Variants in GLIPR1L2 observed in about 807,000 individuals in gnomAD.
The protein encoded by GLIPR1L2 is GLIPR1-like protein 2.
GLIPR1L2 carries 21 observed loss-of-function variants against 28.4 expected under a neutral mutation model. That is an observed-to-expected ratio of 0.74 (90% CI 0.52 to 1.06). GLIPR1L2 has a LOEUF of 1.06. GLIPR1L2 is among the 50% of genes least tolerant of loss of function. The pLI is 0.00. For missense variants in GLIPR1L2, 476 were observed against 416.9 expected, an observed-to-expected ratio of 1.14 and a Z score of -1.23; for synonymous variants, 145 against 139.3, an observed-to-expected ratio of 1.04 and a Z score of -0.29.
At chr12:75,429,546 AC>A (rs2139970083) in intron 4 of GLIPR1L2, among the ~76,000 whole-genome samples, 1 of 152,120 alleles carries the variant, frequency 6.6e-6, no homozygotes, top group South Asian at 2.1e-4. Flanking sequence ...GACTTTGGGG[AC>A]CCTTGGAAAG....
chr12:75,430,247 G>T (rs1055856681), intron 4 of GLIPR1L2, among the ~76,000 whole-genome samples: 2 of 152,082 alleles, frequency 1.3e-5, no homozygotes, highest in African/African-American at 2.4e-5. Flanking sequence ...TGAATGCCAG[G>T]CTATAGAGCT....
rs1027120077 is a variant in GLIPR1L2, at chr12:75,431,063, A to G, written c.937A>G (p.Met313Val). Residue 313 changes from methionine (M) to valine (V), a missense_variant, in exon 6 of 6, where the codon ATG becomes GTG. Physicochemically the swap from Met to Val is conservative, Grantham distance 21. Coordinates refer to ENST00000550916, the MANE Select transcript of GLIPR1L2 (RefSeq NM_001270396.2). ...GGAAGAGAAGAAAGAGAAAGAGGAA[A>G]TGGAAATGGAAATAATGGAAATGGA... is the stretch of plus-strand genomic sequence containing the variant. ...KEEEKKEKEE[M>V]EMEIMEMEEE... is the part of the protein sequence containing the mutation. The G allele has an allele frequency of 1.4e-5, 20 of 1,394,484 alleles. No individual in the cohort carries two copies. Among genetic ancestry groups the G allele is most frequent in the East Asian group, 1.2e-4 (5 of 40,330 alleles). 86.4% of individuals were successfully genotyped at this position (1,394,484 alleles called of 1,614,324 possible).
intron 1 of GLIPR1L2, among the ~76,000 whole-genome samples, chr12:75,396,959 C>G (rs2139918315): frequency 6.6e-6 from 1 of 152,248 alleles, no homozygotes; most frequent in South Asian, 2.1e-4. Flanking sequence ...TTGTTCAGGA[C>G]TTTTCTTTTT....
At chr12:75,418,730 T>G (rs1232338425) in intron 3 of GLIPR1L2, among the ~76,000 whole-genome samples, 1 of 152,162 alleles carries the variant, frequency 6.6e-6, no homozygotes, top group East Asian at 1.9e-4. Flanking sequence ...CAGTAGTAGC[T>G]TGATGGGGAT....
intron 1 of GLIPR1L2, among the ~76,000 whole-genome samples, chr12:75,391,997 T>C (rs1453030112): frequency 1.3e-5 from 2 of 152,100 alleles, no homozygotes; most frequent in African/African-American, 4.8e-5. Flanking sequence ...TCCCCCTCTT[T>C]TACACCCTAT....
intron 1 of GLIPR1L2, among the ~76,000 whole-genome samples, chr12:75,392,241 A>G (rs1480421996): frequency 6.6e-6 from 1 of 152,200 alleles, no homozygotes; most frequent in Non-Finnish European, 1.5e-5. Context: ...GATATTTTTT[A>G]TTAATTTAAC....
rs1431259985 is a variant in GLIPR1L2, at chr12:75,410,472, G to C, written c.273G>C (p.Trp91Cys). 6.2e-7 allele frequency: 1 copy of C among 1,608,964 alleles called. No individual in the cohort carries two copies. Among genetic ancestry groups the C allele is most frequent in the Non-Finnish European group, 8.5e-7 (1 of 1,177,264 alleles). Reference protein sequence around the residue: ...DVALSRTARAWGKKCLFTHNI... With the variant: ...DVALSRTARACGKKCLFTHNI... ...CTTTATCACGGACTGCTAGAGCATG[G>C]GGAAAAAAATGTTTGTTTACGCATA... Residue 91 changes from tryptophan (W) to cysteine (C), a missense_variant, in exon 2 of 6, where the codon TGG becomes TGC. By Grantham distance (215) the Trp-to-Cys change is radical. Coordinates refer to ENST00000550916, the MANE Select transcript of GLIPR1L2 (RefSeq NM_001270396.2).
intron 1 of GLIPR1L2, among the ~76,000 whole-genome samples, chr12:75,398,029 TAAAAA>T (rs71078728): frequency 7.2e-6 from 1 of 138,208 alleles, no homozygotes; most frequent in African/African-American, 2.7e-5. Context: ...GCTGTGGATT[TAAAAA>T]AAAAAAAAAA....
At position 75,406,150 on chromosome 12, in the gene GLIPR1L2, T is replaced by A. The variant is rs113850789; in HGVS notation, c.235-4284T>A. Among the ~76,000 whole-genome samples the A allele has an allele frequency of 2.9e-4, 44 of 151,168 alleles. 1 individual carries two copies. The South Asian group carries it at 5.2e-3, about 18-fold the overall frequency. On this transcript the variant is annotated intron_variant, in intron 1 of 5. Coordinates refer to ENST00000550916, the MANE Select transcript of GLIPR1L2 (RefSeq NM_001270396.2). ...TTTTAAAAGAGCTAAGGTCTTTTTT[T>A]AAAAAAAAATTATGTTACCCCCATA... is the stretch of plus-strand genomic sequence containing the variant.
In GLIPR1L2 at chr12:75,391,090, C is replaced by A; in HGVS notation, c.-27C>A. The A allele has an allele frequency of 6.5e-7, 1 of 1,546,446 alleles. No homozygotes were observed. Among genetic ancestry groups the A allele is most frequent in the Non-Finnish European group, 8.9e-7 (1 of 1,121,964 alleles). On this transcript the variant is annotated 5_prime_UTR_variant, in exon 1 of 6. Transcript: ENST00000550916. ...GTCACTGGGACGGCCAGCGCGTGCGCACTGGCCTGTCAGCGGCCGGTGGAC... is the reference window on the plus strand; with the variant it reads ...GTCACTGGGACGGCCAGCGCGTGCGAACTGGCCTGTCAGCGGCCGGTGGAC...
At chr12:75,392,468 AGC>A (rs1229107731) in intron 1 of GLIPR1L2, among the ~76,000 whole-genome samples, 3 of 152,178 alleles carry the variant, frequency 2.0e-5, no homozygotes, top group Non-Finnish European at 4.4e-5. Context: ...TTATATTGTC[AGC>A]ATTTCCATGT....
Position 75,431,116 on chromosome 12 carries a change from G to T in GLIPR1L2, c.990G>T (p.Glu330Asp). 1 of 997,278 alleles carries T rather than the reference G, an allele frequency of 1.0e-6. No homozygotes were observed. Among genetic ancestry groups the T allele is most frequent in the Middle Eastern group, 2.6e-4 (1 of 3,904 alleles). The allele number at this position is 997,278 out of a possible 1,614,324, so 61.8% of individuals were successfully genotyped here. Residue 330 changes from glutamate (E) to aspartate (D), a missense_variant, in exon 6 of 6, where the codon GAG (glutamate) becomes GAT (aspartate). Transcript: ENST00000550916. ...MEEEKEEREEEEEETQKEKME... is the reference protein window; with the variant it reads ...MEEEKEEREEDEEETQKEKME... ...AGGAAAAAGAAGAGAGAGAGGAGGA[G>T]GAGGAGGAAACACAAAAAGAAAAGA...
chr12:75,419,171 A>C (rs180787350), intron 3 of GLIPR1L2, among the ~76,000 whole-genome samples: 31 of 152,370 alleles, frequency 2.0e-4, no homozygotes, highest in African/African-American at 7.0e-4. Flanking sequence ...TTTAAAAATT[A>C]AATGAATAAA....
At chr12:75,415,642 C>T (rs2045916257) in intron 3 of GLIPR1L2, among the ~76,000 whole-genome samples, 1 of 152,084 alleles carries the variant, frequency 6.6e-6, no homozygotes, top group African/African-American at 2.4e-5. Context: ...CTTCCAAGCT[C>T]ATTCAGGCTG....
chr12:75,416,272 A>G (rs1381090767), intron 3 of GLIPR1L2, among the ~76,000 whole-genome samples: 1 of 152,152 alleles, frequency 6.6e-6, no homozygotes, highest in African/African-American at 2.4e-5. Flanking sequence ...AAATAAATGT[A>G]GGAAATGTGA....
At chr12:75,410,904 A>G (rs10879910) in intron 2 of GLIPR1L2, among the ~76,000 whole-genome samples, 78,674 of 151,482 alleles carry the variant, frequency 0.52, 20,558 homozygotes, top group East Asian at 0.58. Flanking sequence ...CCTAATCTCC[A>G]TGTTCAAAGA....
At chr12:75,418,232 G>A (rs1454791735) in intron 3 of GLIPR1L2, among the ~76,000 whole-genome samples, 2 of 152,136 alleles carry the variant, frequency 1.3e-5, no homozygotes, top group Non-Finnish European at 2.9e-5. Context: ...ACTGGTTAAA[G>A]TATTTAAGTA....
At chr12:75,404,323 G>A (rs1251245877) in intron 1 of GLIPR1L2, among the ~76,000 whole-genome samples, 1 of 152,032 alleles carries the variant, frequency 6.6e-6, no homozygotes, top group African/African-American at 2.4e-5. Context: ...TTGCCTTAGA[G>A]CTCAACAAGT....
intron 1 of GLIPR1L2, among the ~76,000 whole-genome samples, chr12:75,395,283 G>A (rs1453116090): frequency 6.6e-6 from 1 of 151,768 alleles, no homozygotes; most frequent in African/African-American, 2.4e-5. Flanking sequence ...AATTCCACTG[G>A]GTTATCATGT....
Sources: gnomAD v4.1 joint callset for allele counts (sites outside exome capture counted in the v4.1 genomes callset) on GRCh38, gnomAD v4.1.1 for gene constraint, MANE v1.5 for transcripts, NCBI Gene and HGNC (gene_info 2026-07-23, HGNC 2026-07-21) for gene names.